Variants in VAV1 observed in about 807,000 individuals in gnomAD.
The protein encoded by VAV1 is vav guanine nucleotide exchange factor 1, also known as proto-oncogene vav.
A neutral mutation model predicts 128.1 loss-of-function variants in VAV1; 33 were observed. That is an observed-to-expected ratio of 0.26 (90% CI 0.20 to 0.34). The LOEUF is 0.34. Ranked by LOEUF, VAV1 falls within the 10% of genes least tolerant of loss-of-function variation. The pLI, the probability that VAV1 is intolerant of heterozygous loss-of-function variation, is 1.00. For missense variants in VAV1, 715 were observed against 1,093.7 expected, an observed-to-expected ratio of 0.65 and a Z score of 4.88; for synonymous variants, 394 against 409.8, an observed-to-expected ratio of 0.96 and a Z score of 0.47.
chr19:6,841,478 CTTTTTTTT>C (rs35484934), intron 21 of VAV1, among the ~76,000 whole-genome samples: 1 of 135,630 alleles, frequency 7.4e-6, no homozygotes, highest in African/African-American at 2.7e-5. Flanking sequence ...TTTTTCTTTT[CTTTTTTTT>C]TTTTTTTGAT....
At chr19:6,792,624 C>G (rs1448452666) in intron 1 of VAV1, among the ~76,000 whole-genome samples, 3 of 152,076 alleles carry the variant, frequency 2.0e-5, no homozygotes, top group Non-Finnish European at 4.4e-5. Flanking sequence ...GTTGCCCAGG[C>G]TGCTCTTGAC....
chr19:6,852,613 C>T (rs1011616791), intron 24 of VAV1, among the ~76,000 whole-genome samples: 14 of 151,400 alleles, frequency 9.2e-5, no homozygotes, highest in East Asian at 1.9e-4. Flanking sequence ...CCCAGCTACT[C>T]GGGAGGCTGA....
chr19:6,816,339 T>G (rs1425985136), intron 1 of VAV1: 1 of 152,004 alleles, frequency 6.6e-6, no homozygotes, highest in Admixed American at 6.6e-5. Flanking sequence ...TTTTTAAAAT[T>G]AGCTGGATGT....
chr19:6,847,327 G>GC lies in VAV1; in HGVS notation c.2013-666dup, dbSNP rs771143892. ...CGGGCAGTTGCTCCTGCCTCCCGCAGCCCCCGGGAACCAAGGGTCTCCTTC... is the reference window on the plus strand; with the variant it reads ...CGGGCAGTTGCTCCTGCCTCCCGCAGCCCCCCGGGAACCAAGGGTCTCCTTC... On this transcript the variant is annotated intron_variant, in intron 22 of 26. Transcript: ENST00000602142. Among the ~76,000 whole-genome samples the GC allele has an allele frequency of 5.3e-5, 8 of 152,082 alleles. No individual in the cohort carries two copies. The East Asian group carries it at 7.8e-4, about 15-fold the overall frequency.
Position 6,836,987 on chromosome 19 carries a change from C to A in VAV1, c.1917C>A (p.Gly639=), listed in dbSNP as rs1354849308. 1.9e-6 allele frequency: 3 copies of A among 1,614,070 alleles called. No homozygotes were observed. In the South Asian group the frequency reaches 3.3e-5, roughly 18 times the overall value. ...KAEAEQNWWE[G]RNTSTNEIGW... ...GTTTTTGTCTCCTGGGTGTTTAGGG[C>A]AGAAATACATCTACTAATGAAATTG... Residue 639 remains glycine, a splice_region_variant and synonymous_variant, in exon 21 of 27, where the codon GGC becomes GGA. Transcript: ENST00000602142.
intron 26 of VAV1, among the ~76,000 whole-genome samples, chr19:6,854,844 A>G (rs1972754900): frequency 6.6e-6 from 1 of 152,202 alleles, no homozygotes. Context: ...TTAATAAGGG[A>G]TAAATAAAGT....
intron 1 of VAV1, among the ~76,000 whole-genome samples, chr19:6,799,661 A>G (rs1272059536): frequency 6.6e-6 from 1 of 151,984 alleles, no homozygotes; most frequent in East Asian, 1.9e-4. Flanking sequence ...GGTTTGAATT[A>G]CTGATGGCAC....
intron 1 of VAV1, among the ~76,000 whole-genome samples, chr19:6,802,520 C>T (rs533082623): frequency 1.1e-4 from 16 of 152,208 alleles, no homozygotes; most frequent in African/African-American, 3.4e-4. Flanking sequence ...GCCCCCTTTC[C>T]CCTCTTTGAG....
chr19:6,821,573 C>A, intron 2 of VAV1, 49 bp from the exon 3 acceptor site: 1 of 1,607,744 alleles, frequency 6.2e-7, no homozygotes, highest in African/African-American at 1.3e-5. Flanking sequence ...CTGTGTTCTG[C>A]CGTGGGGGTG....
At chr19:6,818,019 A>G (rs765544129) in intron 1 of VAV1, among the ~76,000 whole-genome samples, 5 of 152,042 alleles carry the variant, frequency 3.3e-5, no homozygotes, top group Non-Finnish European at 5.9e-5. Flanking sequence ...GGATCTCATT[A>G]TGTGGCCCCA....
intron 1 of VAV1, among the ~76,000 whole-genome samples, chr19:6,775,296 C>G (rs1970599029): frequency 6.6e-6 from 1 of 152,200 alleles, no homozygotes; most frequent in South Asian, 2.1e-4. Flanking sequence ...CTCTGTGATG[C>G]TTCAATAGCA....
intron 1 of VAV1, among the ~76,000 whole-genome samples, chr19:6,789,536 C>A (rs2144710491): frequency 6.6e-6 from 1 of 152,034 alleles, no homozygotes; most frequent in South Asian, 2.1e-4. Flanking sequence ...CAGGCATGAG[C>A]CACCGCACCC....
At chr19:6,818,851 C>G (rs1315378217) in intron 1 of VAV1, among the ~76,000 whole-genome samples, 1 of 152,146 alleles carries the variant, frequency 6.6e-6, no homozygotes, top group East Asian at 1.9e-4. Context: ...CGTGGTGGCT[C>G]ACACCTGTAA....
chr19:6,816,017 A>ATT (rs1157742259), intron 1 of VAV1, among the ~76,000 whole-genome samples: 14,155 of 133,676 alleles, frequency 0.11, 950 homozygotes, highest in African/African-American at 0.15. Flanking sequence ...GTCTCTACAA[A>ATT]TTTTTTTTTT....
At chr19:6,852,585 G>C (rs1972693544) in intron 24 of VAV1, among the ~76,000 whole-genome samples, 1 of 151,686 alleles carries the variant, frequency 6.6e-6, no homozygotes, top group South Asian at 2.1e-4. Context: ...GCTGGGCGTA[G>C]TGGCGGGCGC....
intron 1 of VAV1, among the ~76,000 whole-genome samples, chr19:6,819,418 G>C (rs1052027521): frequency 6.6e-6 from 1 of 152,200 alleles, no homozygotes; most frequent in Non-Finnish European, 1.5e-5. Context: ...TGGACTTCTA[G>C]TCTCAGAACT....
intron 1 of VAV1, among the ~76,000 whole-genome samples, chr19:6,779,745 G>A (rs1435870545): frequency 6.7e-6 from 1 of 149,776 alleles, no homozygotes; most frequent in Non-Finnish European, 1.5e-5. Context: ...GGGTGCGGTG[G>A]CTCATGCCTA....
At chr19:6,838,194 A>G (rs1457237724) in intron 21 of VAV1, among the ~76,000 whole-genome samples, 1 of 104,486 alleles carries the variant, frequency 9.6e-6, no homozygotes, top group Admixed American at 1.1e-4. Context: ...CTATTTGCCT[A>G]TCACCTATCT....
chr19:6,844,672 G>T (rs766654616), intron 22 of VAV1, among the ~76,000 whole-genome samples: 1 of 152,064 alleles, frequency 6.6e-6, no homozygotes, highest in African/African-American at 2.4e-5. Context: ...CACGTAAGAG[G>T]CAGGGTCAGG....
Sources: gnomAD v4.1 joint callset for allele counts (sites outside exome capture counted in the v4.1 genomes callset) on GRCh38, gnomAD v4.1.1 for gene constraint, MANE v1.5 for transcripts, NCBI Gene and HGNC (gene_info 2026-07-23, HGNC 2026-07-21) for gene names.